Variants in PSD3 observed in about 807,000 individuals in gnomAD.
PSD3 encodes the protein PH and SEC7 domain-containing protein 3.
Under a neutral mutation model 105.5 loss-of-function variants are expected in PSD3, and 49 were observed. That is an observed-to-expected ratio of 0.46 (90% CI 0.37 to 0.59). The LOEUF (loss-of-function observed/expected upper bound fraction) is 0.59, where lower values mean the gene tolerates loss of function less well. Among genes scored for constraint, PSD3 ranks in the 20% least tolerant of loss-of-function variants. The pLI is 0.00. For synonymous variants in PSD3, 557 were observed against 457.8 expected, an observed-to-expected ratio of 1.22 and a Z score of -2.77; for missense variants, 1,561 against 1,263.8, an observed-to-expected ratio of 1.24 and a Z score of -3.57.
intron 1 of PSD3, among the ~76,000 whole-genome samples, chr8:19,035,765 GT>G (rs1414193961): frequency 6.6e-6 from 1 of 151,176 alleles, no homozygotes; most frequent in African/African-American, 2.4e-5. Flanking sequence ...TTTGGGGGGG[GT>G]GTGGGGGTGA....
chr8:18,925,687 T>C (rs1821318659), intron 2 of PSD3, among the ~76,000 whole-genome samples: 1 of 152,082 alleles, frequency 6.6e-6, no homozygotes, highest in African/African-American at 2.4e-5. Context: ...GGTACATTCA[T>C]AATAGAACAA....
chr8:18,861,532 A>C (rs1816450525), intron 4 of PSD3, among the ~76,000 whole-genome samples: 2 of 152,118 alleles, frequency 1.3e-5, no homozygotes, highest in South Asian at 4.2e-4. Context: ...ATCTGATCAC[A>C]CTAGGTGTCC....
intron 4 of PSD3, among the ~76,000 whole-genome samples, chr8:18,855,344 C>T (rs1251673618): frequency 6.6e-6 from 1 of 152,032 alleles, no homozygotes; most frequent in Non-Finnish European, 1.5e-5. Context: ...TCCATGTGTT[C>T]CCAAAAAGCC....
At chr8:18,620,567 G>T (rs1323702318) in intron 11 of PSD3, among the ~76,000 whole-genome samples, 1 of 151,914 alleles carries the variant, frequency 6.6e-6, no homozygotes, top group African/African-American at 2.4e-5. Flanking sequence ...AAATTAGTGG[G>T]GTGTGACAGC....
At chr8:18,804,270 T>C (rs1810994732) in intron 6 of PSD3, 1 of 354,280 alleles carries the variant, frequency 2.8e-6, no homozygotes, top group South Asian at 9.9e-5. Flanking sequence ...TCAAAGGAAA[T>C]GCTCCCTAAA....
chr8:18,646,767 ATATGT>A (rs1808067984), intron 10 of PSD3, among the ~76,000 whole-genome samples: 1 of 152,204 alleles, frequency 6.6e-6, no homozygotes, highest in Admixed American at 6.5e-5. Context: ...ATTTTAATTA[ATATGT>A]ATTAATACCT....
chr8:18,920,914 C>T (rs1428114940), intron 2 of PSD3, among the ~76,000 whole-genome samples: 3 of 152,106 alleles, frequency 2.0e-5, no homozygotes, highest in Admixed American at 6.5e-5. Context: ...GTATTATTTT[C>T]CCTTGTGACA....
chr8:18,655,302 C>G (rs1007804222), intron 10 of PSD3, among the ~76,000 whole-genome samples: 1 of 145,074 alleles, frequency 6.9e-6, no homozygotes, highest in African/African-American at 2.6e-5. Context: ...GCACTCCAGC[C>G]TGGGCGACAA....
intron 4 of PSD3, among the ~76,000 whole-genome samples, chr8:18,837,894 G>C (rs1440803530): frequency 6.7e-6 from 1 of 149,854 alleles, no homozygotes; most frequent in Non-Finnish European, 1.5e-5. Flanking sequence ...ATCTCAATCA[G>C]ACCCATGATT....
intron 13 of PSD3, among the ~76,000 whole-genome samples, chr8:18,574,183 T>C (rs1802335926): frequency 6.6e-6 from 1 of 152,126 alleles, no homozygotes; most frequent in South Asian, 2.1e-4. Context: ...CCAAAGTCAT[T>C]TCCTTCATCA....
chr8:18,752,499 A>T, intron 9 of PSD3, among the ~76,000 whole-genome samples: 2 of 18,850 alleles, frequency 1.1e-4, no homozygotes, highest in Non-Finnish European at 1.6e-4. Context: ...TATAATATAT[A>T]TAATATATAT....
At chr8:18,738,688 G>A (rs976098339) in intron 9 of PSD3, among the ~76,000 whole-genome samples, 2 of 152,064 alleles carry the variant, frequency 1.3e-5, no homozygotes, top group South Asian at 4.1e-4. Context: ...ACTCGTACTA[G>A]CCACCTGATA....
At chr8:18,723,697 C>T (rs1386687) in intron 9 of PSD3, among the ~76,000 whole-genome samples, 141,663 of 152,296 alleles carry the variant, frequency 0.93, 65,969 homozygotes, top group African/African-American at 0.95. Flanking sequence ...ATTAATGACA[C>T]TGGTAAGTAT....
At chr8:18,759,092 A>ACACACACACACACACACACACTCT (rs756248977) in intron 9 of PSD3, among the ~76,000 whole-genome samples, 1 of 143,864 alleles carries the variant, frequency 7.0e-6, no homozygotes, top group Non-Finnish European at 1.5e-5. Flanking sequence ...ACACACACAC[A>ACACACACACACACACACACACTCT]CTCTCTCTCT....
intron 4 of PSD3, among the ~76,000 whole-genome samples, chr8:18,825,621 C>G (rs928498936): frequency 2.0e-5 from 3 of 152,182 alleles, no homozygotes; most frequent in Admixed American, 1.3e-4. Context: ...TTTCCAGTCC[C>G]AGCTCAAAGG....
At chr8:19,062,350 T>C (rs1828931087) in intron 1 of PSD3, among the ~76,000 whole-genome samples, 2 of 152,168 alleles carry the variant, frequency 1.3e-5, no homozygotes, top group African/African-American at 4.8e-5. Flanking sequence ...TAAAATGCTG[T>C]CTGTTACCTT....
intron 9 of PSD3, among the ~76,000 whole-genome samples, chr8:18,752,485 T>TGA: frequency 6.3e-5 from 1 of 15,778 alleles, no homozygotes; most frequent in African/African-American, 1.6e-4. Context: ...TATATTATTA[T>TGA]ATATATAATA....
chr8:18,705,742 T>A (rs1247460046), intron 9 of PSD3, among the ~76,000 whole-genome samples: 1 of 152,132 alleles, frequency 6.6e-6, no homozygotes, highest in African/African-American at 2.4e-5. Context: ...ACATAGGCTA[T>A]GTCTGGGTAA....
At chr8:18,667,733 G>A (rs76878228) in intron 9 of PSD3, among the ~76,000 whole-genome samples, 6,489 of 152,320 alleles carry the variant, frequency 0.043, 405 homozygotes, top group African/African-American at 0.13. Context: ...GCAGGGGGCG[G>A]TACTCGTCAG....
Sources: gnomAD v4.1 joint callset for allele counts (sites outside exome capture counted in the v4.1 genomes callset) on GRCh38, gnomAD v4.1.1 for gene constraint, MANE v1.5 for transcripts, NCBI Gene and HGNC (gene_info 2026-07-23, HGNC 2026-07-21) for gene names.